MMP16: variants seen among roughly 807,000 people sequenced by gnomAD.
MMP16 encodes the protein matrix metallopeptidase 16.
In MMP16, 12 loss-of-function variants were observed where a neutral mutation model predicts 67.8. The ratio of observed to expected loss-of-function variants is 0.18; its 90% CI spans 0.11 to 0.29. The LOEUF (loss-of-function observed/expected upper bound fraction) is 0.29. Among genes scored for constraint, MMP16 ranks in the 10% least tolerant of loss-of-function variants. The probability of loss-of-function intolerance (pLI) is 1.00; values close to 1 mark genes in which losing one functional copy is unlikely to be tolerated. For synonymous variants in MMP16, 249 were observed against 255.9 expected (o/e 0.97, Z 0.26); for missense variants, 475 against 765.7 (o/e 0.62, Z 4.48).
intron 1 of MMP16, among the ~76,000 whole-genome samples, chr8:88,227,624 T>C (rs1474961289): frequency 6.6e-6 from 1 of 152,020 alleles, no homozygotes; most frequent in Non-Finnish European, 1.5e-5. Flanking sequence ...AGCTCCTTTT[T>C]CAGGCAAGGG....
At chr8:88,167,552 T>A (rs1303816483) in intron 4 of MMP16, 117 bp downstream of exon 4, 2 of 1,012,778 alleles carry the variant, frequency 2.0e-6, no homozygotes, top group Non-Finnish European at 2.8e-6. Flanking sequence ...ACATATTGCT[T>A]TGGAATTTTA....
intron 1 of MMP16, among the ~76,000 whole-genome samples, chr8:88,311,323 T>C (rs1443011295): frequency 6.6e-6 from 1 of 152,188 alleles, no homozygotes; most frequent in African/African-American, 2.4e-5. Context: ...TCCAGGAACC[T>C]CTGAGTGTCC....
intron 4 of MMP16, among the ~76,000 whole-genome samples, chr8:88,143,903 T>G (rs1279027194): frequency 6.6e-6 from 1 of 151,996 alleles, no homozygotes; most frequent in Non-Finnish European, 1.5e-5. Context: ...GTTTAAATTA[T>G]ACCCAATTTA....
intron 7 of MMP16, among the ~76,000 whole-genome samples, chr8:88,062,245 G>A (rs1808408419): frequency 6.6e-6 from 1 of 152,064 alleles, no homozygotes; most frequent in African/African-American, 2.4e-5. Context: ...GGAAGACAGT[G>A]TGGCGATTCC....
intron 6 of MMP16, among the ~76,000 whole-genome samples, chr8:88,077,946 G>C (rs1479919029): frequency 6.6e-6 from 1 of 152,100 alleles, no homozygotes; most frequent in East Asian, 1.9e-4. Context: ...ACATAAGTTT[G>C]GTTTTTGTTT....
intron 4 of MMP16, among the ~76,000 whole-genome samples, chr8:88,120,254 T>G (rs1282751849): frequency 3.9e-5 from 6 of 151,936 alleles, no homozygotes; most frequent in African/African-American, 1.4e-4. Context: ...TGTTTGGAAG[T>G]ATGTAATTTA....
At chr8:88,218,397 T>G (rs1220531837) in intron 1 of MMP16, among the ~76,000 whole-genome samples, 1 of 151,978 alleles carries the variant, frequency 6.6e-6, no homozygotes, top group East Asian at 1.9e-4. Flanking sequence ...ATGAATAAGT[T>G]CTTGAGATCT....
intron 7 of MMP16, among the ~76,000 whole-genome samples, chr8:88,072,712 C>A (rs1040383824): frequency 1.3e-5 from 2 of 152,116 alleles, no homozygotes; most frequent in Non-Finnish European, 2.9e-5. Flanking sequence ...CTACTATGCA[C>A]CCAACACTTT....
intron 1 of MMP16, among the ~76,000 whole-genome samples, chr8:88,238,663 TAAAAAAA>T (rs34127125): frequency 1.0e-5 from 1 of 99,890 alleles, no homozygotes; most frequent in Non-Finnish European, 1.9e-5. Flanking sequence ...AAGACTCTGT[TAAAAAAA>T]AAAAAAAAAA....
chr8:88,150,869 C>T (rs1808393474), intron 4 of MMP16, among the ~76,000 whole-genome samples: 2 of 144,896 alleles, frequency 1.4e-5, no homozygotes, highest in Admixed American at 1.4e-4. Flanking sequence ...ACAATATTAA[C>T]TTTAAATGTA....
intron 1 of MMP16, among the ~76,000 whole-genome samples, chr8:88,268,467 G>A (rs183621251): frequency 2.4e-4 from 36 of 152,314 alleles, no homozygotes; most frequent in African/African-American, 8.4e-4. Context: ...CAAGGAATAT[G>A]TATTCTAGTT....
chr8:88,070,143 T>C (rs1808527303), intron 7 of MMP16, among the ~76,000 whole-genome samples: 1 of 152,176 alleles, frequency 6.6e-6, no homozygotes. Flanking sequence ...TGAACAGACC[T>C]GATATAAACA....
At chr8:88,175,828 T>C (rs1657722663) in intron 3 of MMP16, among the ~76,000 whole-genome samples, 1 of 152,148 alleles carries the variant, frequency 6.6e-6, no homozygotes, top group South Asian at 2.1e-4. Flanking sequence ...GTGCTGTTCT[T>C]GTGATAGTGA....
chr8:88,224,929 T>G (rs1171790683), intron 1 of MMP16, among the ~76,000 whole-genome samples: 1 of 151,952 alleles, frequency 6.6e-6, no homozygotes, highest in Non-Finnish European at 1.5e-5. Context: ...CATTAACATC[T>G]CTGAACACAA....
chr8:88,066,788 T>C (rs1028972923), intron 7 of MMP16, among the ~76,000 whole-genome samples: 3 of 152,114 alleles, frequency 2.0e-5, no homozygotes, highest in African/African-American at 7.2e-5. Flanking sequence ...GTCCACTTAC[T>C]TGTACCGATA....
At chr8:88,276,050 C>T (rs974012416) in intron 1 of MMP16, among the ~76,000 whole-genome samples, 2 of 151,992 alleles carry the variant, frequency 1.3e-5, no homozygotes, top group African/African-American at 4.8e-5. Context: ...GTGTACTGTA[C>T]ATGTATTTTA....
At chr8:88,281,532 C>T (rs1040514716) in intron 1 of MMP16, among the ~76,000 whole-genome samples, 2 of 152,182 alleles carry the variant, frequency 1.3e-5, no homozygotes, top group Non-Finnish European at 2.9e-5. Flanking sequence ...AATATCAGAA[C>T]CAAATTAAAA....
intron 1 of MMP16, 133 bp from the exon 2 acceptor site, chr8:88,197,439 T>A: frequency 1.5e-6 from 1 of 676,106 alleles, no homozygotes; most frequent in Non-Finnish European, 2.2e-6. Flanking sequence ...AAGTGTTTGA[T>A]CTTTTTGTAA....
intron 1 of MMP16, among the ~76,000 whole-genome samples, chr8:88,236,495 T>G (rs1809942222): frequency 6.6e-6 from 1 of 152,048 alleles, no homozygotes; most frequent in East Asian, 1.9e-4. Flanking sequence ...AGTGGCTCAT[T>G]CCTGTAATCC....
Sources: allele counts gnomAD v4.1 joint callset (sites outside exome capture counted in the v4.1 genomes callset), GRCh38; gene constraint gnomAD v4.1.1; transcripts MANE v1.5; gene names NCBI Gene and HGNC (gene_info 2026-07-23, HGNC 2026-07-21).